The following EPHA6 variants were observed in gnomAD, a reference collection of about 807,000 sequenced individuals.
The protein encoded by EPHA6 is EPH receptor A6, also known as ephrin type-A receptor 6.
In EPHA6, 50 loss-of-function variants were observed where a neutral mutation model predicts 112.0. That is an observed-to-expected ratio of 0.45 (90% confidence interval 0.36 to 0.56). The LOEUF (loss-of-function observed/expected upper bound fraction) is 0.56. Among genes scored for constraint, EPHA6 ranks in the 20% least tolerant of loss-of-function variants. The pLI is 0.00. For missense variants in EPHA6, 1,280 were observed against 1,417.4 expected (o/e 0.90, Z 1.56); for synonymous variants, 529 against 490.7 (o/e 1.08, Z -1.03).
At chr3:96,930,692 G>C (rs140786685) in intron 2 of EPHA6, among the ~76,000 whole-genome samples, 7 of 152,144 alleles carry the variant, frequency 4.6e-5, no homozygotes, top group African/African-American at 1.4e-4. Context: ...TCAGTAACCT[G>C]CTTAAAATAA....
intron 11 of EPHA6, among the ~76,000 whole-genome samples, chr3:97,562,881 G>T (rs2093210938): frequency 6.6e-6 from 1 of 152,130 alleles, no homozygotes; most frequent in Admixed American, 6.5e-5. Context: ...CCAGTAAAAA[G>T]ATTACTACTT....
At chr3:96,921,099 G>A (rs76159966) in intron 2 of EPHA6, among the ~76,000 whole-genome samples, 3,473 of 151,918 alleles carry the variant, frequency 0.023, 138 homozygotes, top group African/African-American at 0.079. Flanking sequence ...AGGACTATGC[G>A]TATAACTATA....
chr3:97,428,204 A>G (rs2089282410), intron 6 of EPHA6, among the ~76,000 whole-genome samples: 2 of 152,192 alleles, frequency 1.3e-5, no homozygotes, highest in African/African-American at 4.8e-5. Flanking sequence ...CCTCAAAAAC[A>G]TACGAAACTA....
At chr3:97,324,295 A>G (rs553898712) in intron 5 of EPHA6, among the ~76,000 whole-genome samples, 5 of 152,028 alleles carry the variant, frequency 3.3e-5, no homozygotes, top group East Asian at 1.9e-4. Flanking sequence ...CTCTGAATAC[A>G]TCTAGATAAT....
At chr3:97,334,643 A>T (rs956248514) in intron 5 of EPHA6, among the ~76,000 whole-genome samples, 1 of 151,968 alleles carries the variant, frequency 6.6e-6, no homozygotes, top group South Asian at 2.1e-4. Flanking sequence ...CCATGCCCAG[A>T]TAAAAGGGAG....
rs1278868824 is a variant in EPHA6, at chr3:97,748,598, G to A, written c.3290G>A (p.Arg1097Lys). Reference sequence around the variant, plus strand: ...CTCCTTTCTTTCAGTGACATTAGAAGAATTGGAGTCATACTTATTGGACAC... The same window carrying A: ...CTCCTTTCTTTCAGTGACATTAGAAAAATTGGAGTCATACTTATTGGACAC... Reference protein sequence around the residue: ...ISRMSIDDIRRIGVILIGHQR... With the variant: ...ISRMSIDDIRKIGVILIGHQR... The change falls in exon 18 of 18, where the codon AGA (arginine) becomes AAA (lysine). Residue 1097 changes from arginine (R) to lysine (K), a missense_variant. Arg to Lys is a conservative substitution (Grantham distance 26). Coordinates refer to ENST00000389672, the MANE Select transcript of EPHA6 (RefSeq NM_001080448.3). 1 of 1,595,104 alleles carries A rather than the reference G, an allele frequency of 6.3e-7. No homozygotes were observed. The highest frequency in any genetic ancestry group is 1.3e-5 in the African/African-American group (1 of 74,584).
rs2037256033 is a variant in EPHA6, at chr3:96,880,626, C to T, written c.450+13737C>T. On this transcript the variant is annotated intron_variant, in intron 2 of 17. Coordinates refer to ENST00000389672, the MANE Select transcript of EPHA6 (RefSeq NM_001080448.3). ...CATTCACAATATTGTACAACCACTG[C>T]CTCTATTTAGAGTGAAAATATTTCA... is the stretch of plus-strand genomic sequence containing the variant. Among the ~76,000 whole-genome samples the T allele has an allele frequency of 2.6e-5, 4 of 152,100 alleles. No homozygotes were observed. In the South Asian group the frequency reaches 8.3e-4, roughly 32 times the overall value.
chr3:97,061,454 A>C (rs954025229), intron 3 of EPHA6, among the ~76,000 whole-genome samples: 7 of 152,184 alleles, frequency 4.6e-5, no homozygotes, highest in Non-Finnish European at 7.3e-5. Context: ...TTGTTCTTGT[A>C]CCTCAAGTAG....
chr3:97,455,305 CAT>C (rs2090646395), intron 7 of EPHA6, among the ~76,000 whole-genome samples: 1 of 151,944 alleles, frequency 6.6e-6, no homozygotes, highest in African/African-American at 2.4e-5. Flanking sequence ...GTTACCAAAA[CAT>C]GTATAGCCTT....
chr3:97,182,063 C>T (rs1311072725), intron 3 of EPHA6, among the ~76,000 whole-genome samples: 1 of 151,962 alleles, frequency 6.6e-6, no homozygotes, highest in African/African-American at 2.4e-5. Flanking sequence ...GTGGCCATAC[C>T]CCAGAGAAAA....
At chr3:97,357,162 C>A (rs1277469095) in intron 5 of EPHA6, among the ~76,000 whole-genome samples, 11 of 152,028 alleles carry the variant, frequency 7.2e-5, no homozygotes, top group African/African-American at 2.7e-4. Flanking sequence ...CAATCTATAT[C>A]TTTGGATTTA....
chr3:97,710,838 T>C (rs1559619508), intron 14 of EPHA6, among the ~76,000 whole-genome samples: 1 of 152,246 alleles, frequency 6.6e-6, no homozygotes, highest in Non-Finnish European at 1.5e-5. Context: ...GGAGTACTAT[T>C]CAAGTTTTCC....
intron 2 of EPHA6, among the ~76,000 whole-genome samples, chr3:96,876,681 C>G (rs2036973743): frequency 6.6e-6 from 1 of 152,008 alleles, no homozygotes; most frequent in African/African-American, 2.4e-5. Context: ...TCAAAAAAGA[C>G]CTTTTTGGTA....
rs192588116 is a variant in EPHA6 at position 97,554,935 on chromosome 3, T to A, written c.2386+22392T>A. Among the ~76,000 whole-genome samples the A allele has an allele frequency of 2.6e-3, 401 of 152,000 alleles. 3 individuals carry two copies. Among genetic ancestry groups the A allele is most frequent in the African/African-American group, 8.3e-3 (343 of 41,498 alleles). ...ACCTGTGAGTGTGCCTTTTTTTTTT[T>A]AATTATTATTATACCTTAAGTTTTA... is the stretch of plus-strand genomic sequence containing the variant. On this transcript the variant is annotated intron_variant, in intron 11 of 17. Coordinates refer to ENST00000389672, the MANE Select transcript of EPHA6 (RefSeq NM_001080448.3).
At chr3:97,720,445 G>A in intron 15 of EPHA6, 35 bp downstream of exon 15, 1 of 1,553,136 alleles carries the variant, frequency 6.4e-7, no homozygotes, top group Middle Eastern at 1.7e-4. Context: ...GCCATTTTGT[G>A]AATGTAAACA....
intron 1 of EPHA6, among the ~76,000 whole-genome samples, chr3:96,823,752 T>G (rs1341064379): frequency 6.6e-6 from 1 of 151,798 alleles, no homozygotes; most frequent in Non-Finnish European, 1.5e-5. Context: ...CTTGGAAAAT[T>G]GTAGAATACT....
At chr3:97,135,724 A>G (rs2075751365) in intron 3 of EPHA6, among the ~76,000 whole-genome samples, 1 of 148,902 alleles carries the variant, frequency 6.7e-6, no homozygotes, top group Non-Finnish European at 1.5e-5. Context: ...CTTGCATCTT[A>G]TTTGAATGGC....
At chr3:97,426,063 A>G (rs2089094724) in intron 6 of EPHA6, among the ~76,000 whole-genome samples, 1 of 152,138 alleles carries the variant, frequency 6.6e-6, no homozygotes, top group African/African-American at 2.4e-5. Flanking sequence ...CTGTCTTCTG[A>G]GCCCTCTAAA....
chr3:97,433,754 G>A (rs984928042), intron 6 of EPHA6, among the ~76,000 whole-genome samples: 4 of 150,722 alleles, frequency 2.7e-5, no homozygotes, highest in African/African-American at 1.0e-4. Flanking sequence ...GTAAAAGTGG[G>A]CCCTGGGTGA....
Sources: allele counts gnomAD v4.1 joint callset (sites outside exome capture counted in the v4.1 genomes callset), GRCh38; gene constraint gnomAD v4.1.1; transcripts MANE v1.5; gene names NCBI Gene and HGNC (gene_info 2026-07-23, HGNC 2026-07-21).